The following KIF20B variants were observed in gnomAD, a reference collection of about 807,000 sequenced individuals.
The protein encoded by KIF20B is kinesin-like protein KIF20B.
A neutral mutation model predicts 232.5 loss-of-function variants in KIF20B; 188 were observed. The observed-to-expected ratio is 0.81, with a 90% CI of 0.72 to 0.91. The LOEUF is 0.91. Ranked by LOEUF, KIF20B falls within the 40% of genes least tolerant of loss-of-function variation. The pLI, the probability that KIF20B is intolerant of heterozygous loss-of-function variation, is 0.00. For synonymous variants in KIF20B, 712 were observed against 683.0 expected, an observed-to-expected ratio of 1.04 and a Z score of -0.66; for missense variants, 2,154 against 2,055.9, an observed-to-expected ratio of 1.05 and a Z score of -0.92.
At chr10:89,755,641 T>C (rs1842106119) in intron 26 of KIF20B, among the ~76,000 whole-genome samples, 1 of 152,024 alleles carries the variant, frequency 6.6e-6, no homozygotes, top group Non-Finnish European at 1.5e-5. Context: ...TCACCCAGGC[T>C]GGAATGCAGT....
At chr10:89,708,234 G>A (rs1382937961) in intron 2 of KIF20B, among the ~76,000 whole-genome samples, 2 of 149,290 alleles carry the variant, frequency 1.3e-5, no homozygotes, top group Non-Finnish European at 3.0e-5. Context: ...TTTTTGAGAC[G>A]GAGTTCTGCT....
chr10:89,769,036 T>C (rs1462938429), intron 31 of KIF20B, 148 bp downstream of exon 31: 5 of 617,160 alleles, frequency 8.1e-6, no homozygotes, highest in Admixed American at 3.5e-5. Context: ...GGAAGAAACA[T>C]GTAAAAGGAT....
rs1459541290 is a variant in KIF20B, at chr10:89,774,632, A to C, written c.*584A>C. 6.6e-6 allele frequency: 1 copy of C among 152,022 alleles called. No individual in the cohort carries two copies. The highest frequency in any genetic ancestry group is 1.5e-5 in the Non-Finnish European group (1 of 67,932). 9.4% of individuals were successfully genotyped at this position (152,022 alleles called of 1,614,324 possible). On this transcript the variant is annotated 3_prime_UTR_variant, in exon 33 of 33. Coordinates refer to ENST00000371728, the MANE Select transcript of KIF20B (RefSeq NM_001284259.2). The stretch of plus-strand genomic sequence containing the variant: ...GCATGCAATGTGAAATACGTGTATC[A>C]TGGAGAATGAGGTATCCATCCCCTC...
intron 2 of KIF20B, among the ~76,000 whole-genome samples, chr10:89,706,203 C>T (rs1842719911): frequency 6.6e-6 from 1 of 152,048 alleles, no homozygotes. Context: ...TAATGGTATC[C>T]TGTTGTGGTT....
At position 89,726,323 on chromosome 10, in the gene KIF20B, A is replaced by C; in HGVS notation, c.2032A>C (p.Ile678Leu). Residue 678 changes from isoleucine to leucine, a missense_variant, in exon 16 of 33, where the codon ATT becomes CTT. Ile to Leu is a conservative substitution (Grantham distance 5). Coordinates refer to ENST00000371728, the MANE Select transcript of KIF20B (RefSeq NM_001284259.2). The part of the protein sequence containing the change: ...ETHNYVGFED[I>L]IDSLQDNVAD... ...ACATAATTATGTAGGATTTGAAGAT[A>C]TTATTGATTCTCTTCAAGATAATGT... The C allele has an allele frequency of 6.5e-7, 1 of 1,537,574 alleles. No homozygotes were observed. Among genetic ancestry groups the C allele is most frequent in the Non-Finnish European group, 8.8e-7 (1 of 1,135,406 alleles).
In KIF20B at chr10:89,725,085, A is replaced by G. The variant is rs753914848; in HGVS notation, c.1928A>G (p.Lys643Arg). ...ENAERRLAIF[K>R]DLVGKCDTRE... is the part of the protein sequence containing the mutation. Reference sequence around the variant, plus strand: ...GCTGAACGTCGTTTGGCTATCTTCAAGGATTTGGTTGGTAAATGTGACACT... The same window carrying G: ...GCTGAACGTCGTTTGGCTATCTTCAGGGATTTGGTTGGTAAATGTGACACT... The change falls in exon 15 of 33, where the codon AAG becomes AGG. Residue 643 changes from lysine to arginine, a missense_variant. By Grantham distance (26) the Lys-to-Arg change is conservative. Coordinates refer to ENST00000371728, the MANE Select transcript of KIF20B (RefSeq NM_001284259.2). 49 of 1,613,932 alleles carry G rather than the reference A, an allele frequency of 3.0e-5. No homozygotes were observed. The highest frequency in any genetic ancestry group is 4.1e-5 in the Non-Finnish European group (48 of 1,179,966).
chr10:89,720,616 A>T (rs1200080429), intron 13 of KIF20B, among the ~76,000 whole-genome samples: 1 of 152,208 alleles, frequency 6.6e-6, no homozygotes, highest in Non-Finnish European at 1.5e-5. Context: ...ATCTTCAAAA[A>T]CACTAATTGT....
At chr10:89,702,252 C>T (rs893126388) in intron 1 of KIF20B, among the ~76,000 whole-genome samples, 2 of 152,142 alleles carry the variant, frequency 1.3e-5, no homozygotes, top group African/African-American at 2.4e-5. Flanking sequence ...CCAGACTACT[C>T]CTACTGGTCC....
At chr10:89,725,657 C>A (rs139244054) in intron 15 of KIF20B, among the ~76,000 whole-genome samples, 5 of 152,238 alleles carry the variant, frequency 3.3e-5, no homozygotes, top group Non-Finnish European at 7.4e-5. Flanking sequence ...CCAGGCTGAT[C>A]TTGAATTCCT....
intron 29 of KIF20B, among the ~76,000 whole-genome samples, chr10:89,763,513 G>C (rs1842288551): frequency 6.6e-6 from 1 of 152,130 alleles, no homozygotes; most frequent in African/African-American, 2.4e-5. Context: ...ACTTGCTTGT[G>C]TATAATCTTT....
chr10:89,732,869 A>G (rs202223926), intron 18 of KIF20B, 34 bp from the exon 19 acceptor site: 477 of 1,476,128 alleles, frequency 3.2e-4, no homozygotes, highest in Admixed American at 1.7e-3. Flanking sequence ...GTAGCTTTCT[A>G]TATGTGAATT....
At chr10:89,759,425 G>A (rs1345352668) in intron 27 of KIF20B, among the ~76,000 whole-genome samples, 1 of 151,876 alleles carries the variant, frequency 6.6e-6, no homozygotes, top group Non-Finnish European at 1.5e-5. Context: ...ATAGAATCTG[G>A]GTACATCTGA....
intron 29 of KIF20B, among the ~76,000 whole-genome samples, chr10:89,763,292 A>C (rs1044588886): frequency 1.3e-5 from 2 of 152,146 alleles, no homozygotes; most frequent in Non-Finnish European, 2.9e-5. Flanking sequence ...AAAATAAAGA[A>C]TATTACTGTG....
chr10:89,745,216 C>T (rs554113964), intron 22 of KIF20B, among the ~76,000 whole-genome samples: 2 of 151,998 alleles, frequency 1.3e-5, no homozygotes, highest in African/African-American at 2.4e-5. Context: ...GTAAAATAAC[C>T]GGGTCATAAC....
rs188916745 is a variant in KIF20B, at chr10:89,745,396, G to A, written c.4036-503G>A. On this transcript the variant is annotated intron_variant, in intron 22 of 32. Transcript: ENST00000371728. Reference sequence around the variant, plus strand: ...AAATTAGCCAGGCGTGGTGGCACACGCCTATAATCCCAGTTACTCAGGAGG... The same window carrying A: ...AAATTAGCCAGGCGTGGTGGCACACACCTATAATCCCAGTTACTCAGGAGG... Among the ~76,000 whole-genome samples the A allele has an allele frequency of 4.7e-3, 721 of 152,140 alleles. 3 individuals are homozygous for A. Among genetic ancestry groups the A allele is most frequent in the African/African-American group, 0.017 (692 of 41,534 alleles).
chr10:89,745,189 T>G (rs1476648765), intron 22 of KIF20B, among the ~76,000 whole-genome samples: 1 of 152,198 alleles, frequency 6.6e-6, no homozygotes, highest in East Asian at 1.9e-4. Context: ...AAAACATTTA[T>G]CTAAAATGTT....
At chr10:89,709,599 C>G (rs1181641198) in intron 4 of KIF20B, 138 bp downstream of exon 4, 1 of 587,878 alleles carries the variant, frequency 1.7e-6, no homozygotes, top group African/African-American at 1.9e-5. Flanking sequence ...ACTCAAATCT[C>G]AGGTCTGGAA....
chr10:89,712,090 C>T (rs1842846140), intron 6 of KIF20B, among the ~76,000 whole-genome samples: 2 of 150,330 alleles, frequency 1.3e-5, no homozygotes, highest in Admixed American at 6.7e-5. Context: ...GTCACATGTT[C>T]TTTGTCCATT....
intron 26 of KIF20B, 50 bp downstream of exon 26, chr10:89,754,723 G>A: frequency 7.5e-7 from 1 of 1,334,984 alleles, no homozygotes; most frequent in Non-Finnish European, 9.9e-7. Context: ...TCCTTGGTGT[G>A]TTAAATGTAT....
Sources: allele counts gnomAD v4.1 joint callset (sites outside exome capture counted in the v4.1 genomes callset), GRCh38; gene constraint gnomAD v4.1.1; transcripts MANE v1.5; gene names NCBI Gene and HGNC (gene_info 2026-07-23, HGNC 2026-07-21).